Variants in HPN observed in about 807,000 individuals in gnomAD.
HPN encodes serine protease hepsin.
A neutral mutation model predicts 55.9 loss-of-function variants in HPN; 13 were observed. The ratio of observed to expected loss-of-function variants is 0.23; its 90% CI spans 0.15 to 0.37. The LOEUF is 0.37. Among genes scored for constraint, HPN ranks in the 10% least tolerant of loss-of-function variants. HPN has a pLI of 1.00. For missense variants in HPN, 451 were observed against 575.8 expected, an observed-to-expected ratio of 0.78 and a Z score of 2.22; for synonymous variants, 225 against 240.3, an observed-to-expected ratio of 0.94 and a Z score of 0.59.
upstream of HPN, among the ~76,000 whole-genome samples, chr19:35,041,344 G>A (rs1220723684): frequency 6.6e-6 from 1 of 152,116 alleles, no homozygotes; most frequent in Non-Finnish European, 1.5e-5. Flanking sequence ...GGTGCAGCAA[G>A]TGGCGGGCAC....
Position 35,060,224 on chromosome 19 carries a change from C to A in HPN, c.454+55C>A, listed in dbSNP as rs1238436670. On this transcript the variant is annotated intron_variant, in intron 7 of 12. Transcript: ENST00000672452. ...TTTAGGCCCTTGGGGAGGCCACGTC[C>A]CCTCAAGCTCCCCAGGATGGGGCCA... 3 of 1,609,428 alleles carry A rather than the reference C, an allele frequency of 1.9e-6. No homozygotes were observed. The Admixed American group carries it at 5.0e-5, about 27-fold the overall frequency.
At chr19:35,047,695 C>T (rs1052266741) in intron 2 of HPN, among the ~76,000 whole-genome samples, 3 of 151,928 alleles carry the variant, frequency 2.0e-5, no homozygotes, top group Admixed American at 2.0e-4. Flanking sequence ...CTTCTTTAGG[C>T]TGATGAAAAA....
intron 12 of HPN, 61 bp from the exon 13 acceptor site, chr19:35,066,188 A>G: frequency 1.2e-6 from 2 of 1,613,880 alleles, no homozygotes; most frequent in Non-Finnish European, 1.7e-6. Context: ...GGGGAAGGGA[A>G]GCCAGTGGTG....
intron 2 of HPN, among the ~76,000 whole-genome samples, chr19:35,046,921 C>T (rs377645564): frequency 1.2e-4 from 19 of 152,244 alleles, no homozygotes; most frequent in African/African-American, 3.9e-4. Context: ...CTCTGCCTCC[C>T]GGGTTCAAGC....
rs1461452097 is a variant in HPN, at chr19:35,065,553, G to A, written c.922G>A (p.Val308Ile). 6.2e-7 allele frequency: 1 copy of A among 1,614,066 alleles called. No homozygotes were observed. Among genetic ancestry groups the A allele is most frequent in the Non-Finnish European group, 8.5e-7 (1 of 1,180,006 alleles). The change falls in exon 11 of 13, where the codon GTA (valine) becomes ATA (isoleucine). Residue 308 changes from valine to isoleucine, a missense_variant. Physicochemically the swap from Val to Ile is conservative, Grantham distance 29 (BLOSUM62 3). Coordinates refer to ENST00000672452, the MANE Select transcript of HPN (RefSeq NM_001384133.1). Reference protein sequence around the residue: ...NTQYYGQQAGVLQEARVPIIS... With the variant: ...NTQYYGQQAGILQEARVPIIS... ...CACACCCCCAGGCCAACAGGCCGGG[G>A]TACTCCAGGAGGCTCGAGTCCCCAT...
Position 35,041,831 on chromosome 19 carries a change from G to A in HPN, c.-96G>A, listed in dbSNP as rs750771686. 3.7e-6 allele frequency: 5 copies of A among 1,342,726 alleles called. No individual in the cohort carries two copies. In the South Asian group the frequency reaches 5.8e-5, roughly 16 times the overall value. The allele number at this position is 1,342,726 out of a possible 1,614,324, so 83.2% of individuals were successfully genotyped here. Reference sequence around the variant, plus strand: ...CAGGCCTGGAGACTGACCCGACCCCGGCACTACCTCGAGGCTCCGCCCCCA... The same window carrying A: ...CAGGCCTGGAGACTGACCCGACCCCAGCACTACCTCGAGGCTCCGCCCCCA... On this transcript the variant is annotated 5_prime_UTR_variant, in exon 1 of 13. Transcript: ENST00000672452.
In HPN at chr19:35,049,492, A is replaced by C. The variant is rs1261819680; in HGVS notation, c.136A>C (p.Ser46Arg). The C allele has an allele frequency of 4.4e-6, 7 of 1,606,500 alleles. No individual in the cohort carries two copies. In the East Asian group the frequency reaches 1.1e-4, roughly 26 times the overall value. Reference protein sequence around the residue: ...SWAIVAVLLRSDQEPLYPVQV... With the variant: ...SWAIVAVLLRRDQEPLYPVQV... ...CTCTGCAGTGGCTGTTCTCCTCAGG[A>C]GTGACCAGGAGCCGCTGTACCCAGG... The change falls in exon 4 of 13, where the codon AGT (serine) becomes CGT (arginine). Residue 46 changes from serine (S) to arginine (R), a missense_variant. Physicochemically the swap from Ser to Arg is moderately radical, Grantham distance 110. Transcript: ENST00000672452.
At chr19:35,050,641 T>G (rs1374394166) in intron 4 of HPN, 1 of 690,654 alleles carries the variant, frequency 1.4e-6, no homozygotes, top group African/African-American at 1.9e-5. Flanking sequence ...CATTCCCTGA[T>G]GCAGGACAGC....
chr19:35,058,429 C>T (rs918140545), intron 4 of HPN, among the ~76,000 whole-genome samples: 6 of 148,964 alleles, frequency 4.0e-5, no homozygotes, highest in East Asian at 2.0e-4. Context: ...CCACCCATCT[C>T]GGCCTCCCAA....
intron 2 of HPN, among the ~76,000 whole-genome samples, chr19:35,048,150 G>A (rs2151755786): frequency 6.6e-6 from 1 of 152,226 alleles, no homozygotes; most frequent in Admixed American, 6.5e-5. Context: ...AGTTGCTCAG[G>A]CCCACACATC....
intron 2 of HPN, among the ~76,000 whole-genome samples, chr19:35,043,978 G>A (rs1379328282): frequency 1.3e-5 from 2 of 152,238 alleles, no homozygotes; most frequent in Non-Finnish European, 2.9e-5. Context: ...CTAGGGGTGT[G>A]GAGGTCGAAC....
intron 9 of HPN, among the ~76,000 whole-genome samples, chr19:35,061,050 C>A (rs1243008727): frequency 1.3e-5 from 2 of 152,212 alleles, no homozygotes; most frequent in African/African-American, 4.8e-5. Context: ...GGACCCAACA[C>A]TTCCACTCCC....
chr19:35,052,191 G>C (rs2064411979), intron 4 of HPN, among the ~76,000 whole-genome samples: 1 of 152,144 alleles, frequency 6.6e-6, no homozygotes, highest in Non-Finnish European at 1.5e-5. Context: ...TCTGTGAGAT[G>C]GGGGTAAGAA....
intron 2 of HPN, among the ~76,000 whole-genome samples, chr19:35,047,054 T>G (rs917127605): frequency 2.0e-5 from 3 of 152,180 alleles, no homozygotes; most frequent in African/African-American, 7.2e-5. Flanking sequence ...GGTCTCGATC[T>G]CCTGACCTCG....
At chr19:35,060,596 G>A in intron 8 of HPN, 31 bp from the exon 9 acceptor site, 6 of 1,612,694 alleles carry the variant, frequency 3.7e-6, no homozygotes, top group Middle Eastern at 1.7e-4. Flanking sequence ...TGCCCAGGCA[G>A]GTGGCCACCC....
In HPN at chr19:35,060,653, G is replaced by T. The variant is rs752238031; in HGVS notation, c.647G>T (p.Arg216Leu). Residue 216 changes from arginine to leucine, a missense_variant, in exon 9 of 13, where the codon CGA becomes CTA. Coordinates refer to ENST00000672452, the MANE Select transcript of HPN (RefSeq NM_001384133.1). The part of the protein sequence containing the change: ...PERNRVLSRW[R>L]VFAGAVAQAS... ...CGGAACCGGGTCCTGTCCCGATGGC[G>T]AGTGTTTGCCGGTGCCGTGGCCCAG... 1 of 1,614,092 alleles carries T rather than the reference G, an allele frequency of 6.2e-7. No individual in the cohort carries two copies. The highest frequency in any genetic ancestry group is 8.5e-7 in the Non-Finnish European group (1 of 1,180,040).
intron 4 of HPN, 191 bp from the exon 5 acceptor site, chr19:35,059,482 T>TA (rs748650123): frequency 0.034 from 17,755 of 524,274 alleles, 1 homozygote; most frequent in East Asian, 0.048. Flanking sequence ...ACCCTGTCTT[T>TA]AAAAAAAAAA....
At chr19:35,061,902 A>T (rs115297894) in intron 9 of HPN, among the ~76,000 whole-genome samples, 4 of 152,098 alleles carry the variant, frequency 2.6e-5, no homozygotes, top group Non-Finnish European at 4.4e-5. Flanking sequence ...CCCATCACTT[A>T]AAAAAATGAG....
intron 4 of HPN, among the ~76,000 whole-genome samples, chr19:35,056,602 T>C (rs575627206): frequency 6.3e-4 from 96 of 152,212 alleles, no homozygotes; most frequent in Non-Finnish European, 1.3e-3. Context: ...CCTCTAGCCT[T>C]CTCGTATATC....
Sources: allele counts gnomAD v4.1 joint callset (sites outside exome capture counted in the v4.1 genomes callset), GRCh38; gene constraint gnomAD v4.1.1; transcripts MANE v1.5; gene names NCBI Gene and HGNC (gene_info 2026-07-23, HGNC 2026-07-21).